CLN3: variants seen among roughly 807,000 people sequenced by gnomAD.
The protein encoded by CLN3 is CLN3 lysosomal/endosomal transmembrane protein, battenin, also known as battenin.
In CLN3, 49 loss-of-function variants were observed where a neutral mutation model predicts 60.7. That is an observed-to-expected ratio of 0.81 (90% CI 0.64 to 1.02). CLN3 has a LOEUF of 1.02. Ranked by LOEUF, CLN3 falls within the 50% of genes least tolerant of loss-of-function variation. The pLI, the probability that CLN3 is intolerant of heterozygous loss-of-function variation, is 0.00. For missense variants in CLN3, 516 were observed against 557.4 expected (o/e 0.93, Z 0.75); for synonymous variants, 256 against 245.8 (o/e 1.04, Z -0.39).
At chr16:28,482,272 A>C in intron 13 of CLN3, 55 bp downstream of exon 13, 1 of 1,600,746 alleles carries the variant, frequency 6.2e-7, no homozygotes, top group Non-Finnish European at 8.5e-7. Flanking sequence ...CCTACTGGGC[A>C]GGGCAGCTGC....
At position 28,482,134 on chromosome 16, in the gene CLN3, G is replaced by A. The variant is rs201407601; in HGVS notation, c.1027C>T (p.Arg343Cys). 101 of 1,613,646 alleles carry A rather than the reference G, an allele frequency of 6.3e-5. No individual in the cohort carries two copies. The highest frequency in any genetic ancestry group is 1.3e-4 in the African/African-American group (10 of 75,028). ...SRSSLRCCRI[R>C]FTWALALLQC... ...AGCAGGGCCAGGGCCCAGGTGAAACGGATGCGACAGCAGCGGAGAGAAGAG... is the reference window on the plus strand; with the variant it reads ...AGCAGGGCCAGGGCCCAGGTGAAACAGATGCGACAGCAGCGGAGAGAAGAG... Residue 343 changes from arginine (R) to cysteine (C), a missense_variant, in exon 14 of 16, where the codon CGT becomes TGT. Physicochemically the swap from Arg to Cys is radical, Grantham distance 180. Coordinates refer to ENST00000636147, the MANE Select transcript of CLN3 (RefSeq NM_001042432.2).
chr16:28,476,225 C>T (rs574564166), downstream of CLN3: 9 of 152,128 alleles, frequency 5.9e-5, no homozygotes, highest in African/African-American at 1.9e-4. Context: ...ACAATTTATA[C>T]ATTTTACTGT....
chr16:28,482,442 C>T (rs2046114841), intron 12 of CLN3, 35 bp downstream of exon 12: 1 of 1,613,944 alleles, frequency 6.2e-7, no homozygotes, highest in African/African-American at 1.3e-5. Flanking sequence ...GCCCCAATCG[C>T]CACCTCCACA....
intron 3 of CLN3, 25 bp downstream of exon 3, chr16:28,491,457 C>G: frequency 6.2e-7 from 1 of 1,611,864 alleles, no homozygotes; most frequent in Non-Finnish European, 8.5e-7. Context: ...GCCATTGTCA[C>G]TCGCTGAAGT....
At chr16:28,488,836 T>C (rs1050807216) in intron 4 of CLN3, among the ~76,000 whole-genome samples, 174 bp from the exon 5 acceptor site, 8 of 152,058 alleles carry the variant, frequency 5.3e-5, no homozygotes, top group Admixed American at 5.2e-4. Context: ...TCCATATGAG[T>C]CTCACACTAC....
chr16:28,491,705 A>G lies in CLN3; in HGVS notation c.46+9T>C, dbSNP rs909677422. The G allele has an allele frequency of 3.7e-6, 6 of 1,613,930 alleles. No homozygotes were observed. In the African/African-American group the frequency reaches 8.0e-5, roughly 22 times the overall value. ...TGGTCGTTCCATGAGGGTGGGCGGG[A>G]ATACTCACCCTCGGAATCCGAAAAG... is the stretch of plus-strand genomic sequence containing the variant. On this transcript the variant is annotated intron_variant, in intron 2 of 15. Transcript: ENST00000636147.
At chr16:28,484,166 G>A in intron 9 of CLN3, 48 bp from the exon 10 acceptor site, 5 of 1,419,310 alleles carry the variant, frequency 3.5e-6, no homozygotes, top group Non-Finnish European at 4.9e-6. Flanking sequence ...TGGCTGGGAA[G>A]GTCCCCAGGG....
intron 3 of CLN3, among the ~76,000 whole-genome samples, chr16:28,490,779 AAG>A (rs1555469366): frequency 1.3e-5 from 2 of 151,278 alleles, no homozygotes; most frequent in East Asian, 3.9e-4. Flanking sequence ...AAAAAAAAAA[AAG>A]GTTCAGGCCC....
chr16:28,469,988 A>T (rs931374890), downstream of CLN3, among the ~76,000 whole-genome samples: 1 of 148,568 alleles, frequency 6.7e-6, no homozygotes, highest in African/African-American at 2.5e-5. Context: ...AAAAAAAAAA[A>T]GTCATCAAAC....
chr16:28,485,571 CAAAAAAAA>C (rs67148714), intron 9 of CLN3, among the ~76,000 whole-genome samples: 1 of 11,768 alleles, frequency 8.5e-5, no homozygotes, highest in Non-Finnish European at 1.3e-4. Context: ...GACTCCGTCT[CAAAAAAAA>C]AAAAAAAAAA....
At chr16:28,478,617 TAAAAA>T (rs766238150) in intron 14 of CLN3, among the ~76,000 whole-genome samples, 4 of 74,356 alleles carry the variant, frequency 5.4e-5, no homozygotes, top group African/African-American at 3.1e-4. Flanking sequence ...TCCTGTCTCA[TAAAAA>T]AAAAAAAAAA....
Position 28,487,491 on chromosome 16 carries a change from A to G in CLN3, c.425T>C (p.Val142Ala). ...GGTCCCCACAGAATGAGAAAAGGCA[A>G]CCAGGACGAAGCTTCCAGCAGCACA... ...GICAAGSFVL[V>A]AFSHSVGTSL... Residue 142 changes from valine to alanine, a missense_variant, in exon 7 of 16, where the codon GTT (valine) becomes GCT (alanine). Val to Ala is a moderately conservative substitution (Grantham distance 64, BLOSUM62 0). Coordinates refer to ENST00000636147, the MANE Select transcript of CLN3 (RefSeq NM_001042432.2). The G allele has an allele frequency of 6.2e-7, 1 of 1,614,024 alleles. No homozygotes were observed. Among genetic ancestry groups the G allele is most frequent in the Non-Finnish European group, 8.5e-7 (1 of 1,180,010 alleles).
downstream of CLN3, among the ~76,000 whole-genome samples, chr16:28,472,779 A>G (rs943432117): frequency 2.7e-5 from 4 of 149,992 alleles, no homozygotes; most frequent in African/African-American, 9.8e-5. Flanking sequence ...GAGTCTGGGC[A>G]AAAAGAATGA....
chr16:28,486,084 G>A (rs1002193211), intron 9 of CLN3, among the ~76,000 whole-genome samples: 16 of 151,574 alleles, frequency 1.1e-4, no homozygotes, highest in African/African-American at 3.9e-4. Context: ...TGCCACCACT[G>A]CCTCCGGGGT....
chr16:28,470,734 G>C (rs1375695302), downstream of CLN3, among the ~76,000 whole-genome samples: 1 of 150,944 alleles, frequency 6.6e-6, no homozygotes, highest in Non-Finnish European at 1.5e-5. Flanking sequence ...AGAAGAAAGG[G>C]GTCTGGGAAA....
At chr16:28,478,021 G>T (rs28374519) in intron 14 of CLN3, 144 bp from the exon 15 acceptor site, 1 of 886,406 alleles carries the variant, frequency 1.1e-6, no homozygotes, top group Non-Finnish European at 1.7e-6. Context: ...ACACCAGCCC[G>T]GTGTGGTGGC....
intron 5 of CLN3, chr16:28,487,942 C>T (rs1017114550): frequency 8.5e-6 from 5 of 590,778 alleles, no homozygotes; most frequent in Non-Finnish European, 9.2e-6. Context: ...CTTCAGTTTC[C>T]TCATCTGGAA....
chr16:28,488,502 G>T, intron 5 of CLN3, 89 bp downstream of exon 5: 1 of 1,173,112 alleles, frequency 8.5e-7, no homozygotes, highest in Non-Finnish European at 1.3e-6. Context: ...AATCATGACA[G>T]TCCCAGCTGG....
At position 28,489,295 on chromosome 16, in the gene CLN3, TCTG is replaced by T. The variant is rs1473036975; in HGVS notation, c.214_216del (p.Gln72del). On this transcript the variant is annotated inframe_deletion, in exon 4 of 16. Transcript: ENST00000636147. ...GGTGGTAGAGAGTCACTTACATGGC[TCTG>T]GTTTCCCGATGTCCTCTTGTGGCTA... 1 of 1,611,828 alleles carries T rather than the reference TCTG, an allele frequency of 6.2e-7. No homozygotes were observed. Among genetic ancestry groups the T allele is most frequent in the Admixed American group, 1.7e-5 (1 of 59,804 alleles).
Sources: allele counts gnomAD v4.1 joint callset (sites outside exome capture counted in the v4.1 genomes callset), GRCh38; gene constraint gnomAD v4.1.1; transcripts MANE v1.5; gene names NCBI Gene and HGNC (gene_info 2026-07-23, HGNC 2026-07-21).